The following CCSER1 variants were observed in gnomAD, a reference collection of about 807,000 sequenced individuals.
CCSER1 encodes the protein serine-rich coiled-coil domain-containing protein 1.
Under a neutral mutation model 82.0 loss-of-function variants are expected in CCSER1, and 41 were observed. The ratio of observed to expected loss-of-function variants is 0.50; its 90% CI spans 0.39 to 0.65. CCSER1 has a LOEUF of 0.65. Ranked by LOEUF, CCSER1 falls within the 30% of genes least tolerant of loss-of-function variation. The pLI is 0.00. For missense variants in CCSER1, 1,119 were observed against 1,064.2 expected (o/e 1.05, Z -0.72); for synonymous variants, 414 against 383.9 (o/e 1.08, Z -0.92).
intron 3 of CCSER1, among the ~76,000 whole-genome samples, chr4:90,396,613 A>C (rs548293571): frequency 1.3e-5 from 2 of 152,126 alleles, no homozygotes; most frequent in Non-Finnish European, 2.9e-5. Context: ...GTCTCAAATT[A>C]TTCTATTTAG....
At chr4:90,975,824 C>T (rs1280308139) in intron 9 of CCSER1, among the ~76,000 whole-genome samples, 2 of 150,952 alleles carry the variant, frequency 1.3e-5, no homozygotes. Context: ...TTGAAAGTAA[C>T]CCATTTTTTC....
intron 1 of CCSER1, among the ~76,000 whole-genome samples, chr4:90,264,383 T>A (rs776847781): frequency 5.9e-5 from 9 of 152,184 alleles, no homozygotes; most frequent in Non-Finnish European, 1.0e-4. Flanking sequence ...GACATTAACA[T>A]GATATCTATC....
intron 10 of CCSER1, among the ~76,000 whole-genome samples, chr4:91,288,214 T>C (rs1473808868): frequency 6.7e-6 from 1 of 149,896 alleles, no homozygotes; most frequent in Non-Finnish European, 1.5e-5. Flanking sequence ...ACACACCTTC[T>C]GGTTTTAGCG....
chr4:90,589,757 G>A (rs1782468130), intron 5 of CCSER1, among the ~76,000 whole-genome samples: 1 of 152,054 alleles, frequency 6.6e-6, no homozygotes, highest in Non-Finnish European at 1.5e-5. Context: ...TTTGCAGAAG[G>A]TGCAGTCTCT....
intron 10 of CCSER1, among the ~76,000 whole-genome samples, chr4:91,423,498 G>C (rs1160020114): frequency 1.3e-5 from 2 of 152,014 alleles, no homozygotes; most frequent in Non-Finnish European, 2.9e-5. Flanking sequence ...CTGATAATCA[G>C]AGGTTTGCTT....
intron 10 of CCSER1, among the ~76,000 whole-genome samples, chr4:91,321,887 T>C (rs1404834693): frequency 6.6e-6 from 1 of 152,118 alleles, no homozygotes; most frequent in African/African-American, 2.4e-5. Flanking sequence ...TAGTAAAAGT[T>C]TTCCTTTTAC....
intron 9 of CCSER1, among the ~76,000 whole-genome samples, chr4:91,000,764 G>C (rs888854415): frequency 6.6e-6 from 1 of 152,114 alleles, no homozygotes; most frequent in Non-Finnish European, 1.5e-5. Flanking sequence ...ACTGATTTGA[G>C]TACATTGATT....
intron 7 of CCSER1, among the ~76,000 whole-genome samples, chr4:90,751,668 T>C (rs762324909): frequency 6.6e-6 from 1 of 152,126 alleles, no homozygotes; most frequent in Non-Finnish European, 1.5e-5. Flanking sequence ...TTGCTTGGTG[T>C]TGACGTTGTT....
chr4:90,471,690 A>G (rs918397128), intron 5 of CCSER1, among the ~76,000 whole-genome samples: 1 of 151,914 alleles, frequency 6.6e-6, no homozygotes, highest in Non-Finnish European at 1.5e-5. Flanking sequence ...AAAATACTAG[A>G]TAGGGCTGGA....
chr4:91,364,884 T>C lies in CCSER1; in HGVS notation c.2218-233688T>C, dbSNP rs570513507. Among the ~76,000 whole-genome samples the C allele has an allele frequency of 1.2e-4, 19 of 152,222 alleles. No homozygotes were observed. In the East Asian group the frequency reaches 2.1e-3, roughly 17 times the overall value. On this transcript the variant is annotated intron_variant, in intron 10 of 10. Transcript: ENST00000509176. ...AATTCTAAGTTTTTTTTCTCTGATA[T>C]GTCTTCTTTGATGTTTCTTAAAAAT... is the stretch of plus-strand genomic sequence containing the variant.
intron 6 of CCSER1, among the ~76,000 whole-genome samples, chr4:90,686,211 C>T (rs1734790173): frequency 6.6e-6 from 1 of 152,102 alleles, no homozygotes; most frequent in African/African-American, 2.4e-5. Context: ...CTCAGAGCTT[C>T]ATCCACCCCT....
intron 8 of CCSER1, among the ~76,000 whole-genome samples, chr4:90,880,173 A>C (rs1174501214): frequency 1.3e-5 from 2 of 152,124 alleles, no homozygotes. Context: ...TGCTGGCTGT[A>C]GAAGGTGGCT....
chr4:90,334,955 T>C (rs1447581161), intron 3 of CCSER1, among the ~76,000 whole-genome samples: 1 of 152,054 alleles, frequency 6.6e-6, no homozygotes, highest in Non-Finnish European at 1.5e-5. Flanking sequence ...GCACATAGGG[T>C]AGTGTGAAAG....
In CCSER1 at chr4:91,437,938, G is replaced by A. The variant is rs535440189; in HGVS notation, c.2218-160634G>A. ...CAGCGAGGCAGGGGGAGGGGCGCCC[G>A]CCATTGCCCAGGCTTGCTTAGGTAA... On this transcript the variant is annotated intron_variant, in intron 10 of 10. Transcript: ENST00000509176. Among the ~76,000 whole-genome samples, 638 of 152,280 alleles carry A rather than the reference G, an allele frequency of 4.2e-3. 4 individuals carry two copies. Among genetic ancestry groups the A allele is most frequent in the African/African-American group, 0.014 (578 of 41,562 alleles).
chr4:91,275,297 GT>G (rs757350305), intron 10 of CCSER1, among the ~76,000 whole-genome samples: 28 of 145,766 alleles, frequency 1.9e-4, no homozygotes, highest in Non-Finnish European at 2.6e-4. Context: ...GCCAGCATCT[GT>G]TTTTTTTTGT....
At chr4:90,332,033 A>G (rs1456717322) in intron 3 of CCSER1, among the ~76,000 whole-genome samples, 3 of 152,066 alleles carry the variant, frequency 2.0e-5, no homozygotes, top group Admixed American at 2.0e-4. Flanking sequence ...TAAAAGCATT[A>G]CTGAAAATAA....
intron 3 of CCSER1, among the ~76,000 whole-genome samples, chr4:90,323,452 G>A (rs1362381327): frequency 6.6e-6 from 1 of 152,186 alleles, no homozygotes; most frequent in Non-Finnish European, 1.5e-5. Flanking sequence ...CCTCTGGCAG[G>A]AGGGGAAACC....
intron 4 of CCSER1, among the ~76,000 whole-genome samples, chr4:90,408,129 C>T (rs866226153): frequency 1.4e-4 from 22 of 152,308 alleles, no homozygotes; most frequent in South Asian, 6.2e-4. Flanking sequence ...CTAAACAGAG[C>T]GGCTGGGAAG....
intron 8 of CCSER1, among the ~76,000 whole-genome samples, chr4:90,909,401 C>G (rs900253420): frequency 1.3e-5 from 2 of 152,128 alleles, no homozygotes; most frequent in Admixed American, 6.6e-5. Context: ...GGCTTGTACA[C>G]ACCCAGCACA....
Sources: gnomAD v4.1 joint callset for allele counts (sites outside exome capture counted in the v4.1 genomes callset) on GRCh38, gnomAD v4.1.1 for gene constraint, MANE v1.5 for transcripts, NCBI Gene and HGNC (gene_info 2026-07-23, HGNC 2026-07-21) for gene names.